Variants in ATP2C2 observed in about 807,000 individuals in gnomAD.
ATP2C2 encodes ATPase secretory pathway Ca2+ transporting 2.
ATP2C2 carries 171 observed loss-of-function variants against 110.8 expected under a neutral mutation model. The observed-to-expected ratio is 1.54, with a 90% CI of 1.36 to 1.75. The LOEUF is 1.75. ATP2C2 is among the 40% of genes most tolerant of loss of function. The pLI, the probability that ATP2C2 is intolerant of heterozygous loss-of-function variation, is 0.00. For synonymous variants in ATP2C2, 804 were observed against 508.4 expected, an observed-to-expected ratio of 1.58 and a Z score of -7.82; for missense variants, 1,963 against 1,235.0, an observed-to-expected ratio of 1.59 and a Z score of -8.84.
chr16:84,439,896 C>G (rs1018595420), intron 13 of ATP2C2, among the ~76,000 whole-genome samples: 4 of 152,218 alleles, frequency 2.6e-5, no homozygotes, highest in Non-Finnish European at 5.9e-5. Context: ...AATGCAGTGG[C>G]TGATCTCTGC....
rs763702293 is a variant in ATP2C2, at chr16:84,452,018, C to G, written c.1758C>G (p.Val586=). ...DPPRVGVKEA[V]QVLSESGVSV... The stretch of plus-strand genomic sequence containing the variant: ...CGAGAGTTGGCGTGAAGGAAGCAGT[C>G]CAGGTTCTCTCCGAGTCTGGTGTGT... The change falls in exon 18 of 27, where the codon GTC becomes GTG. Residue 586 remains valine (V), a synonymous_variant. Coordinates refer to ENST00000262429, the MANE Select transcript of ATP2C2 (RefSeq NM_014861.4). 6.2e-7 allele frequency: 1 copy of G among 1,613,164 alleles called. No individual in the cohort carries two copies. Among genetic ancestry groups the G allele is most frequent in the Non-Finnish European group, 8.5e-7 (1 of 1,179,884 alleles).
intron 2 of ATP2C2, 134 bp downstream of exon 2, chr16:84,398,743 TTGA>T: frequency 1.4e-6 from 1 of 699,000 alleles, no homozygotes; most frequent in Non-Finnish European, 2.3e-6. Flanking sequence ...GAAAATATTG[TTGA>T]TGTTGAATGG....
chr16:84,395,018 T>C (rs1904885920), intron 1 of ATP2C2, among the ~76,000 whole-genome samples: 1 of 152,112 alleles, frequency 6.6e-6, no homozygotes, highest in East Asian at 1.9e-4. Flanking sequence ...TGCTCCACTG[T>C]CTGGATGGAC....
intron 11 of ATP2C2, among the ~76,000 whole-genome samples, chr16:84,434,183 C>T (rs1327541405): frequency 2.6e-5 from 4 of 151,880 alleles, no homozygotes; most frequent in Admixed American, 6.6e-5. Flanking sequence ...TTTGGGAGGC[C>T]GAGGCGCGTG....
intron 11 of ATP2C2, among the ~76,000 whole-genome samples, chr16:84,431,020 G>A (rs1388625997): frequency 1.3e-5 from 2 of 152,034 alleles, no homozygotes; most frequent in Admixed American, 6.6e-5. Context: ...TATGTATTGG[G>A]CATCTGTTGA....
chr16:84,390,322 C>G (rs1904576265), intron 1 of ATP2C2, among the ~76,000 whole-genome samples: 1 of 152,244 alleles, frequency 6.6e-6, no homozygotes. Context: ...ACAGCTCCAA[C>G]TCACCTTTCA....
intron 16 of ATP2C2, among the ~76,000 whole-genome samples, chr16:84,446,847 C>T (rs561162951): frequency 2.6e-4 from 39 of 152,106 alleles, no homozygotes; most frequent in Admixed American, 6.6e-4. Flanking sequence ...CACCAGTCGC[C>T]AACTTGCCAG....
At chr16:84,380,980 A>T (rs1362430515) in intron 1 of ATP2C2, among the ~76,000 whole-genome samples, 1 of 152,112 alleles carries the variant, frequency 6.6e-6, no homozygotes, top group Admixed American at 6.5e-5. Context: ...GGAGTTTGAG[A>T]TCAGCCCGGC....
rs761320433 is a variant in ATP2C2, at chr16:84,422,631, G to T, written c.777G>T (p.Gly259=). The change falls in exon 9 of 27, where the codon GGG becomes GGT. Residue 259 remains glycine (G), a splice_region_variant and synonymous_variant. Transcript: ENST00000262429. ...ACTTCTCTCTCTCCTGGACACAGGGGGTCGTGATTGGAACAGGGGAAAGCT... is the reference window on the plus strand; with the variant it reads ...ACTTCTCTCTCTCCTGGACACAGGGTGTCGTGATTGGAACAGGGGAAAGCT... ...GTLVQYGRGQ[G]VVIGTGESSQ... The T allele has an allele frequency of 6.2e-7, 1 of 1,613,072 alleles. No homozygotes were observed. The highest frequency in any genetic ancestry group is 8.5e-7 in the Non-Finnish European group (1 of 1,179,646).
intron 17 of ATP2C2, among the ~76,000 whole-genome samples, chr16:84,451,476 C>A (rs1181944457): frequency 1.3e-5 from 2 of 152,228 alleles, no homozygotes; most frequent in Non-Finnish European, 2.9e-5. Flanking sequence ...TCTGCCCTCC[C>A]TTTCAGGCTA....
intron 21 of ATP2C2, among the ~76,000 whole-genome samples, chr16:84,455,751 G>GGA (rs1910736699): frequency 7.1e-6 from 1 of 140,320 alleles, no homozygotes. Flanking sequence ...AACACACTTA[G>GGA]AAAAAAAAAA....
chr16:84,429,886 C>T (rs1296355693), intron 11 of ATP2C2, among the ~76,000 whole-genome samples: 1 of 152,154 alleles, frequency 6.6e-6, no homozygotes, highest in African/African-American at 2.4e-5. Context: ...CAGGAGCATG[C>T]TGTTCTTGAA....
chr16:84,387,354 C>G (rs1464554316), intron 1 of ATP2C2, among the ~76,000 whole-genome samples: 3 of 152,020 alleles, frequency 2.0e-5, no homozygotes, highest in African/African-American at 7.2e-5. Flanking sequence ...AAACCCGTCT[C>G]TACAAAAATT....
chr16:84,378,135 A>T (rs1043731043), intron 1 of ATP2C2, among the ~76,000 whole-genome samples: 1 of 152,144 alleles, frequency 6.6e-6, no homozygotes, highest in Non-Finnish European at 1.5e-5. Context: ...TTCCTAAGCC[A>T]AACCAAGGAC....
intron 13 of ATP2C2, 148 bp downstream of exon 13, chr16:84,439,672 T>C (rs1909069037): frequency 1.3e-6 from 1 of 762,384 alleles, no homozygotes; most frequent in Admixed American, 2.5e-5. Flanking sequence ...ATGACTGATT[T>C]TGTTTTTAAT....
intron 15 of ATP2C2, among the ~76,000 whole-genome samples, chr16:84,445,092 T>A (rs1410595983): frequency 6.6e-6 from 1 of 152,184 alleles, no homozygotes; most frequent in Non-Finnish European, 1.5e-5. Flanking sequence ...TTTCTGGGTG[T>A]TACTGGCAGC....
At chr16:84,434,212 T>C (rs531734080) in intron 11 of ATP2C2, among the ~76,000 whole-genome samples, 4 of 152,062 alleles carry the variant, frequency 2.6e-5, no homozygotes, top group African/African-American at 9.6e-5. Context: ...GGTCAAGAGA[T>C]AGAGATCATC....
At chr16:84,391,935 A>T (rs1384547283) in intron 1 of ATP2C2, among the ~76,000 whole-genome samples, 1 of 151,198 alleles carries the variant, frequency 6.6e-6, no homozygotes, top group Non-Finnish European at 1.5e-5. Context: ...TTAAAACAAA[A>T]CTAGGATTAT....
chr16:84,383,787 G>GTTTTTTTTT (rs58587781), intron 1 of ATP2C2, among the ~76,000 whole-genome samples: 2 of 100,848 alleles, frequency 2.0e-5, no homozygotes, highest in Non-Finnish European at 3.8e-5. Flanking sequence ...GGTTTTGTTG[G>GTTTTTTTTT]TTTTTTTTTT....
Sources: gnomAD v4.1 joint callset for allele counts (sites outside exome capture counted in the v4.1 genomes callset) on GRCh38, gnomAD v4.1.1 for gene constraint, MANE v1.5 for transcripts, NCBI Gene and HGNC (gene_info 2026-07-23, HGNC 2026-07-21) for gene names.